Variants in SGCZ observed in about 807,000 individuals in gnomAD.
SGCZ encodes the protein zeta-sarcoglycan.
SGCZ carries 40 observed loss-of-function variants against 41.3 expected under a neutral mutation model. The ratio of observed to expected loss-of-function variants is 0.97; its 90% confidence interval spans 0.75 to 1.26. The LOEUF is 1.26. Among genes scored for constraint, SGCZ ranks in the 50% most tolerant of loss-of-function variants. The probability of loss-of-function intolerance (pLI) is 0.00; values close to 1 mark genes in which losing one functional copy is unlikely to be tolerated. For synonymous variants in SGCZ, 206 were observed against 137.5 expected, an observed-to-expected ratio of 1.50 and a Z score of -3.49; for missense variants, 552 against 369.8, an observed-to-expected ratio of 1.49 and a Z score of -4.04.
At chr8:14,300,721 T>C (rs910843175) in intron 3 of SGCZ, among the ~76,000 whole-genome samples, 2 of 152,004 alleles carry the variant, frequency 1.3e-5, no homozygotes, top group East Asian at 1.9e-4. Context: ...TCCCTGATGA[T>C]TAGTGATGAT....
intron 4 of SGCZ, among the ~76,000 whole-genome samples, chr8:14,181,388 T>C (rs2117023674): frequency 6.6e-6 from 1 of 152,272 alleles, no homozygotes; most frequent in African/African-American, 2.4e-5. Context: ...AAAGTGACTG[T>C]TTAAAAAGAA....
At chr8:14,470,536 A>G (rs1453405675) in intron 2 of SGCZ, among the ~76,000 whole-genome samples, 2 of 152,096 alleles carry the variant, frequency 1.3e-5, no homozygotes, top group African/African-American at 4.8e-5. Flanking sequence ...TCCAGACCCA[A>G]TATTCCTAAC....
At chr8:14,294,302 G>A (rs771060704) in intron 3 of SGCZ, among the ~76,000 whole-genome samples, 23 of 151,646 alleles carry the variant, frequency 1.5e-4, no homozygotes, top group Non-Finnish European at 2.9e-4. Context: ...CATTCTCACC[G>A]ACACAACATT....
rs111993962 is a variant in SGCZ at position 15,207,205 on chromosome 8, G to C, written c.39+30380C>G. ...GTTTTTTTCCAGACACACCAAGTTTGGGTTGACAGCAGGCTAATCAGGCAG... is the reference window on the plus strand; with the variant it reads ...GTTTTTTTCCAGACACACCAAGTTTCGGTTGACAGCAGGCTAATCAGGCAG... On this transcript the variant is annotated intron_variant, in intron 1 of 7. Transcript: ENST00000382080. 2.9e-3 allele frequency among the ~76,000 whole-genome samples: 446 copies of C among 152,264 alleles called. 3 individuals are homozygous for C. The highest frequency in any genetic ancestry group is 9.5e-3 in the African/African-American group (394 of 41,544).
At position 14,499,973 on chromosome 8, in the gene SGCZ, CA is replaced by C. The variant is rs199900265; in HGVS notation, c.234+54758del. On this transcript the variant is annotated intron_variant, in intron 2 of 7. Coordinates refer to ENST00000382080, the MANE Select transcript of SGCZ (RefSeq NM_139167.4). ...TCATACTCTACCACCTACTGTCTTA[CA>C]AAAAAAAACTTTAAAAAATGAAGGG... Among the ~76,000 whole-genome samples, 6 of 150,932 alleles carry C rather than the reference CA, an allele frequency of 4.0e-5. No individual in the cohort carries two copies. The East Asian group carries it at 5.8e-4, about 15-fold the overall frequency.
At chr8:14,694,987 C>T (rs1808910693) in intron 1 of SGCZ, among the ~76,000 whole-genome samples, 1 of 151,882 alleles carries the variant, frequency 6.6e-6, no homozygotes. Context: ...TCTTATTATC[C>T]ACATTTGCAC....
At chr8:14,327,635 T>A (rs1802169624) in intron 2 of SGCZ, among the ~76,000 whole-genome samples, 2 of 152,332 alleles carry the variant, frequency 1.3e-5, no homozygotes, top group South Asian at 2.1e-4. Context: ...TTACTTATGC[T>A]ATGTGCATCT....
At chr8:15,166,652 A>G (rs1011700711) in intron 1 of SGCZ, among the ~76,000 whole-genome samples, 4 of 152,214 alleles carry the variant, frequency 2.6e-5, no homozygotes, top group Admixed American at 6.5e-5. Context: ...TATGCTATCA[A>G]TCATAATTAA....
chr8:14,469,400 T>A (rs1030892261), intron 2 of SGCZ, among the ~76,000 whole-genome samples: 1 of 152,148 alleles, frequency 6.6e-6, no homozygotes, highest in Non-Finnish European at 1.5e-5. Flanking sequence ...CCCTCTCACA[T>A]ATGCATGGAA....
At chr8:14,479,958 T>C (rs1004982775) in intron 2 of SGCZ, among the ~76,000 whole-genome samples, 3 of 152,118 alleles carry the variant, frequency 2.0e-5, no homozygotes, top group Middle Eastern at 3.2e-3. Flanking sequence ...TTGGTCAGGC[T>C]AGTCTCGAAT....
At chr8:14,280,542 C>T (rs1236923780) in intron 3 of SGCZ, among the ~76,000 whole-genome samples, 1 of 151,730 alleles carries the variant, frequency 6.6e-6, no homozygotes, top group African/African-American at 2.4e-5. Context: ...ATTACTTTGA[C>T]TTTGTTTTAG....
chr8:15,193,118 A>T (rs1563176283), intron 1 of SGCZ, among the ~76,000 whole-genome samples: 2 of 152,082 alleles, frequency 1.3e-5, no homozygotes, highest in Admixed American at 1.3e-4. Context: ...CCATAGAAAC[A>T]CATGACCGGA....
intron 1 of SGCZ, among the ~76,000 whole-genome samples, chr8:14,689,724 A>C (rs1808736624): frequency 6.6e-6 from 1 of 152,198 alleles, no homozygotes; most frequent in African/African-American, 2.4e-5. Flanking sequence ...TTGTAGGATG[A>C]AACTGTGTAA....
chr8:14,976,788 T>A (rs1420540610), intron 1 of SGCZ, among the ~76,000 whole-genome samples: 2 of 152,198 alleles, frequency 1.3e-5, no homozygotes, highest in African/African-American at 4.8e-5. Context: ...AATTCATGAA[T>A]TACAGAACAT....
chr8:14,418,882 G>A lies in SGCZ; in HGVS notation c.235-94678C>T, dbSNP rs536131493. ...TTGTGGAACCCCCACATTTTATTTT[G>A]AAATTTATCAGAAAAACATAATTGG... is the stretch of plus-strand genomic sequence containing the variant. On this transcript the variant is annotated intron_variant, in intron 2 of 7. Transcript: ENST00000382080. 1.5e-4 allele frequency among the ~76,000 whole-genome samples: 23 copies of A among 151,986 alleles called. 1 individual carries two copies. The East Asian group carries it at 3.5e-3, about 23-fold the overall frequency.
chr8:14,369,021 A>ATGTGTGTGTGTGTGTGTGTGTG (rs10655274), intron 2 of SGCZ, among the ~76,000 whole-genome samples: 2 of 145,418 alleles, frequency 1.4e-5, no homozygotes, highest in Non-Finnish European at 3.0e-5. Context: ...GCAAATGTAA[A>ATGTGTGTGTGTGTGTGTGTGTG]TGTGTGTGTG....
intron 2 of SGCZ, among the ~76,000 whole-genome samples, chr8:14,408,517 A>G (rs1481637652): frequency 6.6e-6 from 1 of 152,042 alleles, no homozygotes; most frequent in Non-Finnish European, 1.5e-5. Flanking sequence ...TGAACTGCAC[A>G]CATCTTCTGG....
chr8:14,565,583 G>A (rs577949922), intron 1 of SGCZ, among the ~76,000 whole-genome samples: 75 of 152,194 alleles, frequency 4.9e-4, no homozygotes, highest in African/African-American at 1.8e-3. Flanking sequence ...CACAGCAGGG[G>A]AAGAAGGAAA....
At chr8:14,384,489 T>C (rs1804496759) in intron 2 of SGCZ, among the ~76,000 whole-genome samples, 1 of 152,200 alleles carries the variant, frequency 6.6e-6, no homozygotes, top group Non-Finnish European at 1.5e-5. Flanking sequence ...TAATTGGTTG[T>C]TATAGGGAAA....
Sources: allele counts gnomAD v4.1 joint callset (sites outside exome capture counted in the v4.1 genomes callset), GRCh38; gene constraint gnomAD v4.1.1; transcripts MANE v1.5; gene names NCBI Gene and HGNC (gene_info 2026-07-23, HGNC 2026-07-21).